The following SPAG8 variants were observed in gnomAD, a reference collection of about 807,000 sequenced individuals.
SPAG8 encodes the protein sperm associated antigen 8, also known as sperm-associated antigen 8.
A neutral mutation model predicts 45.3 loss-of-function variants in SPAG8; 36 were observed. The ratio of observed to expected loss-of-function variants is 0.80; its 90% CI spans 0.61 to 1.05. The LOEUF is 1.05. Ranked by LOEUF, SPAG8 falls within the 50% of genes least tolerant of loss-of-function variation. SPAG8 has a pLI of 0.00. For missense variants in SPAG8, 573 were observed against 609.2 expected (o/e 0.94, Z 0.63); for synonymous variants, 227 against 232.6 (o/e 0.98, Z 0.22).
downstream of SPAG8, chr9:35,809,487 A>G (rs1563995106): frequency 1.2e-6 from 2 of 1,614,024 alleles, no homozygotes; most frequent in Non-Finnish European, 1.7e-6. This position sits in a 1 kb window ranked among gnomAD's most constrained non-coding sequence, Gnocchi z 4.1. Flanking sequence ...TGCTGCTGGT[A>G]CCTGGGTGGG....
chr9:35,812,241 G>T lies in SPAG8; in HGVS notation c.-94C>A. The T allele has an allele frequency of 7.1e-7, 1 of 1,414,828 alleles. No homozygotes were observed. The highest frequency in any genetic ancestry group is 2.3e-5 in the East Asian group (1 of 43,850). 87.6% of individuals were successfully genotyped at this position (1,414,828 alleles called of 1,614,324 possible). A position where few individuals can be genotyped will look rare whatever the true frequency, so the allele number is the denominator to read the frequency against. ...GCTGGGCGGACTTGCAGGTGGCGGT[G>T]GAGGCAAGTCCTCTGCGGGGCGGAA... On this transcript the variant is annotated 5_prime_UTR_variant, in exon 1 of 7. Transcript: ENST00000396638.
downstream of SPAG8, chr9:35,808,943 A>T (rs1828585381): frequency 1.2e-5 from 12 of 988,062 alleles, no homozygotes; most frequent in South Asian, 1.4e-4. The surrounding 1 kb of genome is among the most constrained non-coding windows in gnomAD (Gnocchi z 4.0). Context: ...TTAATCTGAG[A>T]GACCACAGTT....
Position 35,812,244 on chromosome 9 carries a change from G to A in SPAG8, c.-97C>T, listed in dbSNP as rs141101780. ...GGGCGGACTTGCAGGTGGCGGTGGA[G>A]GCAAGTCCTCTGCGGGGCGGAAGTC... On this transcript the variant is annotated 5_prime_UTR_variant, in exon 1 of 7. Transcript: ENST00000396638. 4.8e-5 allele frequency: 67 copies of A among 1,389,124 alleles called. No individual in the cohort carries two copies. Among genetic ancestry groups the A allele is most frequent in the African/African-American group, 3.8e-4 (27 of 70,416 alleles). The allele number at this position is 1,389,124 out of a possible 1,614,324, so 86.0% of individuals were successfully genotyped here. A position where few individuals can be genotyped will look rare whatever the true frequency, so the allele number is the denominator to read the frequency against.
rs761460140 is a variant in SPAG8, at chr9:35,811,859, C to CTGCAGTAGCTGCAGCAGCTGA, written c.166_186dup (p.Ser56_Ala62dup). The CTGCAGTAGCTGCAGCAGCTGA allele has an allele frequency of 1.6e-4, 261 of 1,611,178 alleles. 3 individuals are homozygous for CTGCAGTAGCTGCAGCAGCTGA. The highest frequency in any genetic ancestry group is 9.9e-4 in the Middle Eastern group (6 of 6,042). ...GCAGCTGCTTTGGCAGTGGTGAAGG[C>CTGCAGTAGCTGCAGCAGCTGA]TGCAGTAGCTGCAGCAGCTGATGCA... On this transcript the variant is annotated inframe_insertion, in exon 2 of 7. Coordinates refer to ENST00000396638, the MANE Select transcript of SPAG8 (RefSeq NM_001039592.2).
Position 35,811,041 on chromosome 9 carries a change from A to C in SPAG8, c.881T>G (p.Leu294Arg). Reference protein sequence around the residue: ...NWEEERATNHLDQVPSMQDGS... With the variant: ...NWEEERATNHRDQVPSMQDGS... ...ATCCTGCATGCTTGGGACTTGATCC[A>C]GGTGGTTGGTGGCTCTCTGTGGATC... is the stretch of plus-strand genomic sequence containing the variant. The change falls in exon 3 of 7, where the codon CTG becomes CGG. Residue 294 changes from leucine (L) to arginine (R), a missense_variant. Physicochemically the swap from Leu to Arg is moderately radical, Grantham distance 102. Transcript: ENST00000396638. 6.2e-7 allele frequency: 1 copy of C among 1,613,628 alleles called. No homozygotes were observed. The highest frequency in any genetic ancestry group is 8.5e-7 in the Non-Finnish European group (1 of 1,179,730).
Position 35,811,880 on chromosome 9 carries a change from A to G in SPAG8, c.166T>C (p.Ser56Pro). The G allele has an allele frequency of 6.2e-7, 1 of 1,607,854 alleles. No homozygotes were observed. The highest frequency in any genetic ancestry group is 1.1e-5 in the South Asian group (1 of 91,004). The change falls in exon 2 of 7, where the codon TCA becomes CCA. Residue 56 changes from serine to proline, a missense_variant. By Grantham distance (74) the Ser-to-Pro change is moderately conservative. Transcript: ENST00000396638. ...AAGGCTGCAGTAGCTGCAGCAGCTG[A>G]TGCAGCCGCTGCAGCTGCTGCGGTT... Reference protein sequence around the residue: ...AATAAAAAAASAAAATAAFTT... With the variant: ...AATAAAAAAAPAAAATAAFTT...
In SPAG8 at chr9:35,810,263, C is replaced by T. The variant is rs753113970; in HGVS notation, c.1247G>A (p.Arg416Lys). ...QEQPETFWIQ[R>K]APQLPGVSNI... ...CTCACACACCGGCAGCTGTGGTGCC[C>T]TCTGTATCCAGAAGGTCTCAGGTTG... is the stretch of plus-strand genomic sequence containing the variant. The change falls in exon 6 of 7, where the codon AGG (arginine) becomes AAG (lysine). Residue 416 changes from arginine to lysine, a missense_variant. Coordinates refer to ENST00000396638, the MANE Select transcript of SPAG8 (RefSeq NM_001039592.2). 2.5e-6 allele frequency: 4 copies of T among 1,614,228 alleles called. No homozygotes were observed. Among genetic ancestry groups the T allele is most frequent in the East Asian group, 4.5e-5 (2 of 44,888 alleles).
At position 35,811,534 on chromosome 9, in the gene SPAG8, GAGCCAGGGACAGAGCCAC is replaced by G. The variant is rs1563998517; in HGVS notation, c.494_511del (p.Cys165_Gly170del). 1 of 1,606,730 alleles carries G rather than the reference GAGCCAGGGACAGAGCCAC, an allele frequency of 6.2e-7. No homozygotes were observed. Among genetic ancestry groups the G allele is most frequent in the Non-Finnish European group, 8.5e-7 (1 of 1,175,778 alleles). On this transcript the variant is annotated inframe_deletion, in exon 2 of 7. Transcript: ENST00000396638. ...AGAGCCAGGACCAGGACCAGAGCCA[GAGCCAGGGACAGAGCCAC>G]AGCCAGGACCAGAGCCAGAGCCAGA...
rs1404914460 is a variant in SPAG8, at chr9:35,811,763, C to A, written c.283G>T (p.Glu95Ter). 2 of 1,614,236 alleles carry A rather than the reference C, an allele frequency of 1.2e-6. No homozygotes were observed. ...GTAAAGCCGGGTCCCGCACAGGGCTCCCCAAGAAGGCTGGGGTCAGAGGAC... is the reference window on the plus strand; with the variant it reads ...GTAAAGCCGGGTCCCGCACAGGGCTACCCAAGAAGGCTGGGGTCAGAGGAC... The part of the protein sequence containing the change: ...EPSSDPSLLG[E>*]PCAGPGFTHN... The change falls in exon 2 of 7, where the codon GAG (glutamate) becomes TAG (stop). Residue 95 changes from glutamate (E) to a stop codon, truncating the protein, a stop_gained. Coordinates refer to ENST00000396638, the MANE Select transcript of SPAG8 (RefSeq NM_001039592.2). LOFTEE classifies it high-confidence loss of function.
chr9:35,809,996 G>T lies in SPAG8; in HGVS notation c.1400C>A (p.Ser467Tyr). The change falls in exon 7 of 7, where the codon TCC becomes TAC. Residue 467 changes from serine to tyrosine, a missense_variant. By Grantham distance (144) the Ser-to-Tyr change is moderately radical. Transcript: ENST00000396638. This position sits in a 1 kb window ranked among gnomAD's most constrained non-coding sequence, Gnocchi z 4.1. ...NYPYQLGEIS[S>Y]LPCPGGRLGG... ...CAGCCTTCCTCCGGGACAGGGAAGG[G>T]AAGATATTTCTCCCAATTGGTAGGG... The T allele has an allele frequency of 1.2e-6, 2 of 1,610,690 alleles. No individual in the cohort carries two copies. Among genetic ancestry groups the T allele is most frequent in the Non-Finnish European group, 1.7e-6 (2 of 1,178,250 alleles).
rs765422608 is a variant in SPAG8, at chr9:35,810,140, A to G, written c.1264-8T>C. 1 of 1,608,832 alleles carries G rather than the reference A, an allele frequency of 6.2e-7. No homozygotes were observed. The highest frequency in any genetic ancestry group is 8.5e-7 in the Non-Finnish European group (1 of 1,175,930). On this transcript the variant is annotated splice_region_variant and splice_polypyrimidine_tract_variant and intron_variant, in intron 6 of 6. Coordinates refer to ENST00000396638, the MANE Select transcript of SPAG8 (RefSeq NM_001039592.2). ...CCTGATGTTACTGACACCCTGGAGG[A>G]GTGCCAGGATGAGGATGGATCCCAC...
At chr9:35,809,170 G>A, downstream of SPAG8, 2 of 1,613,930 alleles carry the variant, frequency 1.2e-6, no homozygotes, top group Non-Finnish European at 1.7e-6. The surrounding 1 kb of genome is among the most constrained non-coding windows in gnomAD (Gnocchi z 4.1). Context: ...GAAGATCCAT[G>A]TCTCCTCTAC....
chr9:35,809,228 G>A (rs770815149), downstream of SPAG8: 5 of 1,613,852 alleles, frequency 3.1e-6, no homozygotes, highest in Non-Finnish European at 4.2e-6. This position sits in a 1 kb window ranked among gnomAD's most constrained non-coding sequence, Gnocchi z 4.1. Flanking sequence ...CTAGAGCTTC[G>A]GGGGGATGTG....
chr9:35,811,289 G>C lies in SPAG8; in HGVS notation c.757C>G (p.Pro253Ala), dbSNP rs1346657913. 6.2e-7 allele frequency: 1 copy of C among 1,614,012 alleles called. No individual in the cohort carries two copies. The highest frequency in any genetic ancestry group is 1.3e-5 in the African/African-American group (1 of 74,908). ...PPWEFLQVLE[P>A]GARGLWKPPD... ...GGTTTCCATAGTCCTCGGGCACCCGGTTCTAAGACTTGCAAAAATTCCCAA... is the reference window on the plus strand; with the variant it reads ...GGTTTCCATAGTCCTCGGGCACCCGCTTCTAAGACTTGCAAAAATTCCCAA... Residue 253 changes from proline (P) to alanine (A), a missense_variant, in exon 2 of 7, where the codon CCG becomes GCG. Pro to Ala is a conservative substitution (Grantham distance 27). Coordinates refer to ENST00000396638, the MANE Select transcript of SPAG8 (RefSeq NM_001039592.2).
chr9:35,809,271 G>A (rs757669749), downstream of SPAG8: 17 of 1,611,594 alleles, frequency 1.1e-5, no homozygotes, highest in Middle Eastern at 3.3e-4. This position sits in a 1 kb window ranked among gnomAD's most constrained non-coding sequence, Gnocchi z 4.1. Context: ...ATGGGGAGGG[G>A]GGCATGGAAA....
In SPAG8 at chr9:35,810,921, G is replaced by C; in HGVS notation, c.1001C>G (p.Ser334Trp). 1 of 1,613,982 alleles carries C rather than the reference G, an allele frequency of 6.2e-7. No homozygotes were observed. Among genetic ancestry groups the C allele is most frequent in the East Asian group, 2.2e-5 (1 of 44,876 alleles). The change falls in exon 3 of 7, where the codon TCG becomes TGG. Residue 334 changes from serine (S) to tryptophan (W), a missense_variant. By Grantham distance (177) the Ser-to-Trp change is radical (BLOSUM62 -3). Coordinates refer to ENST00000396638, the MANE Select transcript of SPAG8 (RefSeq NM_001039592.2). ...PMPSSTTQKD[S>W]YQPPGNVYWP... The stretch of plus-strand genomic sequence containing the variant: ...ATAGACGTTTCCTGGTGGCTGGTAC[G>C]AGTCTTTCTGGGTGGTGCTGGAGGG...
chr9:35,808,728 A>T (rs371131262), downstream of SPAG8: 5 of 1,611,598 alleles, frequency 3.1e-6, no homozygotes, highest in Non-Finnish European at 4.2e-6. This position sits in a 1 kb window ranked among gnomAD's most constrained non-coding sequence, Gnocchi z 4.0. Context: ...CCTTTCCCAG[A>T]CTCTCCCAAC....
In SPAG8 at chr9:35,809,915, T is replaced by C. The variant is rs779838503; in HGVS notation, c.*23A>G. On this transcript the variant is annotated 3_prime_UTR_variant, in exon 7 of 7. Transcript: ENST00000396638. The surrounding 1 kb of genome is among the most constrained non-coding windows in gnomAD (Gnocchi z 4.1). ...AGACAGAAATAGATTCCATATTCCA[T>C]ACCCCACTTCCCTCCTCACCCCTCA... 6.5e-7 allele frequency: 1 copy of C among 1,548,350 alleles called. No individual in the cohort carries two copies. Among genetic ancestry groups the C allele is most frequent in the Non-Finnish European group, 8.7e-7 (1 of 1,152,210 alleles).
At chr9:35,809,257 G>T (rs767663187), downstream of SPAG8, 3 of 1,613,520 alleles carry the variant, frequency 1.9e-6, no homozygotes, top group Non-Finnish European at 2.5e-6. This position sits in a 1 kb window ranked among gnomAD's most constrained non-coding sequence, Gnocchi z 4.1. Context: ...GGTGATGGCA[G>T]GCCATGGGGA....
Sources: gnomAD v4.1 joint callset for allele counts on GRCh38, gnomAD v4.1.1 for gene constraint, Gnocchi (gnomAD v3.1) non-coding constraint, MANE v1.5 for transcripts, NCBI Gene and HGNC (gene_info 2026-07-23, HGNC 2026-07-21) for gene names.